RANBP2: variants seen among roughly 807,000 people sequenced by gnomAD.
RANBP2 encodes the protein RAN binding protein 2.
RANBP2 carries 57 observed loss-of-function variants against 303.6 expected under a neutral mutation model. That is an observed-to-expected ratio of 0.19 (90% CI 0.15 to 0.23). RANBP2 has a LOEUF of 0.23. RANBP2 is among the 10% of genes least tolerant of loss of function. The pLI, the probability that RANBP2 is intolerant of heterozygous loss-of-function variation, is 1.00. For missense variants in RANBP2, 3,138 were observed against 3,780.8 expected (o/e 0.83, Z 4.46); for synonymous variants, 1,167 against 1,301.5 (o/e 0.90, Z 2.23).
the RANBP2 span, among the ~76,000 whole-genome samples, chr2:109,416,675 A>G: frequency 6.6e-6 from 1 of 152,008 alleles, no homozygotes; most frequent in South Asian, 2.1e-4. Context: ...GAGCCACTGC[A>G]CTGGATATTG....
chr2:108,978,382 C>T, the RANBP2 span, among the ~76,000 whole-genome samples: 1 of 152,116 alleles, frequency 6.6e-6, no homozygotes, highest in African/African-American at 2.4e-5. Flanking sequence ...ACAAAAAGCT[C>T]AGTAAAAAAA....
the RANBP2 span, among the ~76,000 whole-genome samples, chr2:108,858,200 CG>C: frequency 6.6e-6 from 1 of 152,066 alleles, no homozygotes; most frequent in Non-Finnish European, 1.5e-5. Flanking sequence ...AAAAATTAGC[CG>C]GGCATGGTGG....
In RANBP2 at chr2:108,763,211, A is replaced by G. The variant is rs75018864; in HGVS notation, c.2698-26A>G. On this transcript the variant is annotated intron_variant, in intron 19 of 28. Coordinates refer to ENST00000283195, the MANE Select transcript of RANBP2 (RefSeq NM_006267.5). ...TCTGTAGTTTTGTAGACAATCTACA[A>G]AATGTTTTAACTTTCTGTCTTTTAG... is the stretch of plus-strand genomic sequence containing the variant. The G allele has an allele frequency of 5.1e-4, 823 of 1,611,226 alleles. 2 individuals are homozygous for G. The African/African-American group carries it at 9.1e-3, about 18-fold the overall frequency.
At chr2:108,864,368 G>A in the RANBP2 span, among the ~76,000 whole-genome samples, 2 of 152,094 alleles carry the variant, frequency 1.3e-5, no homozygotes, top group African/African-American at 4.8e-5. Context: ...TGTTTAAAAG[G>A]TAACACATTC....
At chr2:109,274,722 A>G in the RANBP2 span, among the ~76,000 whole-genome samples, 1 of 152,210 alleles carries the variant, frequency 6.6e-6, no homozygotes, top group Non-Finnish European at 1.5e-5. Flanking sequence ...TGGCTGCATA[A>G]CATTGTGAAT....
intron 12 of RANBP2, among the ~76,000 whole-genome samples, chr2:108,752,792 CAAA>C (rs376345958): frequency 7.7e-6 from 1 of 130,338 alleles, no homozygotes; most frequent in African/African-American, 2.8e-5. Flanking sequence ...GACTCTGTCT[CAAA>C]AAAAAAAAAA....
the RANBP2 span, among the ~76,000 whole-genome samples, chr2:109,495,598 T>C: frequency 6.8e-6 from 1 of 147,068 alleles, no homozygotes; most frequent in Non-Finnish European, 1.5e-5. Flanking sequence ...AAGCAATTCT[T>C]GTGCCCAGCT....
At chr2:108,761,455 T>C (rs1458976553) in intron 18 of RANBP2, among the ~76,000 whole-genome samples, 4 of 152,206 alleles carry the variant, frequency 2.6e-5, no homozygotes, top group Non-Finnish European at 5.9e-5. Flanking sequence ...AAATGACTAT[T>C]GGTAGTTTTG....
At chr2:109,081,012 C>T in the RANBP2 span, among the ~76,000 whole-genome samples, 1 of 152,208 alleles carries the variant, frequency 6.6e-6, no homozygotes, top group Non-Finnish European at 1.5e-5. Context: ...ACTATGCTAG[C>T]TACCAGCCAT....
the RANBP2 span, among the ~76,000 whole-genome samples, chr2:109,642,386 C>T: frequency 1.1e-4 from 16 of 152,154 alleles, no homozygotes; most frequent in African/African-American, 3.6e-4. Flanking sequence ...TGCTAAAAAG[C>T]GCCAAACAAA....
At chr2:109,331,451 C>T in the RANBP2 span, among the ~76,000 whole-genome samples, 1 of 152,030 alleles carries the variant, frequency 6.6e-6, no homozygotes, top group Non-Finnish European at 1.5e-5. Flanking sequence ...CTTCTCCCTG[C>T]CAGGAGCACT....
chr2:109,166,049 G>A, the RANBP2 span, among the ~76,000 whole-genome samples: 1 of 152,110 alleles, frequency 6.6e-6, no homozygotes, highest in African/African-American at 2.4e-5. Flanking sequence ...ATACCTTGGT[G>A]AGCCTCACTG....
the RANBP2 span, chr2:109,567,727 G>T: frequency 1.6e-6 from 2 of 1,242,598 alleles, no homozygotes; most frequent in Non-Finnish European, 2.2e-6. Flanking sequence ...GAAGACACAA[G>T]TGAAAGTGTA....
chr2:109,147,883 T>A, the RANBP2 span, among the ~76,000 whole-genome samples: 1 of 152,264 alleles, frequency 6.6e-6, no homozygotes, highest in African/African-American at 2.4e-5. Context: ...TTAGACCTTT[T>A]ATAAACTCTG....
the RANBP2 span, among the ~76,000 whole-genome samples, chr2:109,087,981 T>C: frequency 6.6e-6 from 1 of 152,176 alleles, no homozygotes; most frequent in Admixed American, 6.5e-5. Flanking sequence ...TTTAGTTTCT[T>C]CGGCCGGGCG....
At chr2:108,771,643 G>A (rs1677500600) in intron 20 of RANBP2, 58 bp from the exon 21 acceptor site, 2 of 1,599,436 alleles carry the variant, frequency 1.3e-6, no homozygotes, top group African/African-American at 1.3e-5. Flanking sequence ...TTCAGTTAGA[G>A]TATTAACGTC....
the RANBP2 span, among the ~76,000 whole-genome samples, chr2:108,892,450 C>G: frequency 6.6e-6 from 1 of 152,032 alleles, no homozygotes; most frequent in Non-Finnish European, 1.5e-5. Flanking sequence ...ACTCCCCATT[C>G]CCAGCAGCAA....
the RANBP2 span, among the ~76,000 whole-genome samples, chr2:109,468,084 C>T: frequency 2.1e-4 from 32 of 152,356 alleles, no homozygotes; most frequent in Admixed American, 1.9e-3. Flanking sequence ...TAGCTAGATA[C>T]GGTCATGTGT....
the RANBP2 span, among the ~76,000 whole-genome samples, chr2:109,422,599 C>T: frequency 7.3e-3 from 681 of 93,120 alleles, 5 homozygotes; most frequent in Admixed American, 9.6e-3. Context: ...CCCTTTCCAC[C>T]CCCTGCTGTG....
Sources: allele counts gnomAD v4.1 joint callset (sites outside exome capture counted in the v4.1 genomes callset), GRCh38; gene constraint gnomAD v4.1.1; transcripts MANE v1.5; gene names NCBI Gene and HGNC (gene_info 2026-07-23, HGNC 2026-07-21).